Variants in SDSL observed in about 807,000 individuals in gnomAD.
The protein encoded by SDSL is serine dehydratase-like.
Under a neutral mutation model 27.6 loss-of-function variants are expected in SDSL, and 26 were observed. That is an observed-to-expected ratio of 0.94 (90% confidence interval 0.69 to 1.31). The LOEUF (loss-of-function observed/expected upper bound fraction) is 1.31, where lower values mean the gene tolerates loss of function less well. Among genes scored for constraint, SDSL ranks in the 50% most tolerant of loss-of-function variants. The pLI, the probability that SDSL is intolerant of heterozygous loss-of-function variation, is 0.00. For synonymous variants in SDSL, 196 were observed against 180.6 expected (o/e 1.09, Z -0.69); for missense variants, 431 against 423.5 (o/e 1.02, Z -0.16).
At chr12:113,423,152 C>T (rs1263295879) in intron 1 of SDSL, among the ~76,000 whole-genome samples, 1 of 152,182 alleles carries the variant, frequency 6.6e-6, no homozygotes, top group Non-Finnish European at 1.5e-5. Context: ...CTGCTGTCCT[C>T]TTGTGAGTCA....
chr12:113,435,752 C>T (rs564901866), intron 6 of SDSL, among the ~76,000 whole-genome samples, 196 bp downstream of exon 6: 2 of 152,198 alleles, frequency 1.3e-5, no homozygotes, highest in African/African-American at 4.8e-5. Context: ...TCATGTAAAC[C>T]TAATCAGTTC....
rs1565881434 is a variant in SDSL, at chr12:113,437,983, C to T, written c.894C>T (p.Pro298=). The change falls in exon 8 of 8, where the codon CCC becomes CCT. Residue 298 remains proline, a synonymous_variant. Transcript: ENST00000403593. ...GGCTCCAGGCCGAGGGCTGCCTGCC[C>T]CCTTCCCTGACTTCAGTTGTGGTAA... ...LRRLQAEGCL[P]PSLTSVVVIV... is the part of the protein sequence containing the mutation. The T allele has an allele frequency of 6.2e-7, 1 of 1,614,178 alleles. No individual in the cohort carries two copies. The highest frequency in any genetic ancestry group is 8.5e-7 in the Non-Finnish European group (1 of 1,179,986).
Position 113,435,496 on chromosome 12 carries a change from C to G in SDSL, c.611C>G (p.Ala204Gly). 1 of 1,614,114 alleles carries G rather than the reference C, an allele frequency of 6.2e-7. No individual in the cohort carries two copies. Among genetic ancestry groups the G allele is most frequent in the Non-Finnish European group, 8.5e-7 (1 of 1,179,976 alleles). The change falls in exon 6 of 8, where the codon GCA becomes GGA. Residue 204 changes from alanine to glycine, a missense_variant. By Grantham distance (60) the Ala-to-Gly change is moderately conservative. Transcript: ENST00000403593. ...ATCATTGCCATGGAGACCCATGGGG[C>G]ACACTGCTTCAATGCGGCCATCACA... ...VPIIAMETHG[A>G]HCFNAAITAG...
rs527736912 is a variant in SDSL, at chr12:113,429,441, G to A, written c.354+142G>A. On this transcript the variant is annotated intron_variant, in intron 4 of 7. Coordinates refer to ENST00000403593, the MANE Select transcript of SDSL (RefSeq NM_001304993.2). ...CTCTCTCAGGATAGCTGAGCTGAGG[G>A]GGGAATGAGGTGGGATGGGTGTTGA... 11 of 952,556 alleles carry A rather than the reference G, an allele frequency of 1.2e-5. No homozygotes were observed. The South Asian group carries it at 1.4e-4, about 12-fold the overall frequency. 59.0% of individuals were successfully genotyped at this position (952,556 alleles called of 1,614,324 possible).
chr12:113,437,212 G>C (rs1958008004), intron 7 of SDSL: 1 of 180,204 alleles, frequency 5.5e-6, no homozygotes, highest in Non-Finnish European at 1.2e-5. Flanking sequence ...CCTGGGTTGT[G>C]GACCTCCAAT....
intron 2 of SDSL, 99 bp from the exon 3 acceptor site, chr12:113,428,321 C>T (rs1004059685): frequency 2.4e-5 from 32 of 1,337,832 alleles, no homozygotes; most frequent in Admixed American, 1.2e-4. Flanking sequence ...GGGGTAAAGG[C>T]GTATTGGGAG....
intron 3 of SDSL, 113 bp downstream of exon 3, chr12:113,428,572 T>A (rs1477881106): frequency 4.8e-6 from 4 of 825,184 alleles, no homozygotes; most frequent in Admixed American, 2.7e-5. Context: ...CTCATCAAGG[T>A]CATTGATGAG....
intron 4 of SDSL, among the ~76,000 whole-genome samples, chr12:113,430,358 G>A (rs1162089456): frequency 6.6e-6 from 1 of 152,200 alleles, no homozygotes; most frequent in Non-Finnish European, 1.5e-5. Context: ...GAGAAGGTGT[G>A]TTGTTTTAAT....
intron 1 of SDSL, chr12:113,425,594 T>C (rs1388194812): frequency 2.2e-6 from 1 of 452,352 alleles, no homozygotes; most frequent in African/African-American, 2.0e-5. Flanking sequence ...GCTGGCTGTA[T>C]TTTTTCCTTT....
At chr12:113,428,723 G>T (rs1358462959) in intron 3 of SDSL, among the ~76,000 whole-genome samples, 1 of 152,090 alleles carries the variant, frequency 6.6e-6, no homozygotes, top group Non-Finnish European at 1.5e-5. Flanking sequence ...TGGCTTTCAG[G>T]CACAGGGGGA....
Position 113,434,135 on chromosome 12 carries a change from T to A in SDSL, c.356T>A (p.Val119Asp), listed in dbSNP as rs201486684. 3.1e-6 allele frequency: 5 copies of A among 1,613,302 alleles called. No individual in the cohort carries two copies. The East Asian group carries it at 1.1e-4, about 36-fold the overall frequency. ...TGAGGGCCCTTGGTTTCTCTGTAGG[T>A]CTGGGACGAGGCCAATCTGAGGGCG... ...EGAEVQLTGK[V>D]WDEANLRAQE... Residue 119 changes from valine (V) to aspartate (D), a missense_variant and splice_region_variant, in exon 5 of 8, where the codon GTC becomes GAC. By Grantham distance (152) the Val-to-Asp change is radical (BLOSUM62 -3). Coordinates refer to ENST00000403593, the MANE Select transcript of SDSL (RefSeq NM_001304993.2).
intron 1 of SDSL, chr12:113,426,087 C>A: frequency 2.3e-6 from 1 of 441,822 alleles, no homozygotes; most frequent in South Asian, 1.6e-5. Flanking sequence ...AACTCCTCTC[C>A]GTGGGCGGGA....
At chr12:113,423,140 G>T (rs762565547) in intron 1 of SDSL, among the ~76,000 whole-genome samples, 8 of 152,222 alleles carry the variant, frequency 5.3e-5, no homozygotes, top group Non-Finnish European at 1.0e-4. Context: ...TTTAACTGAT[G>T]CCTGCTGTCC....
Position 113,429,165 on chromosome 12 carries a change from A to G in SDSL, c.220A>G (p.Asn74Asp), listed in dbSNP as rs766626138. The G allele has an allele frequency of 1.2e-6, 2 of 1,612,956 alleles. No individual in the cohort carries two copies. Among genetic ancestry groups the G allele is most frequent in the Admixed American group, 1.7e-5 (1 of 59,982 alleles). ...CRHLVCSSGGNAGIAAAYAAR... is the reference protein window; with the variant it reads ...CRHLVCSSGGDAGIAAAYAAR... ...CTTTCCTCCTTTCTGCACAGGGGGT[A>G]ATGCGGGCATCGCTGCTGCCTATGC... is the stretch of plus-strand genomic sequence containing the variant. Residue 74 changes from asparagine (N) to aspartate (D), a missense_variant, in exon 4 of 8, where the codon AAT (asparagine) becomes GAT (aspartate). Coordinates refer to ENST00000403593, the MANE Select transcript of SDSL (RefSeq NM_001304993.2).
At chr12:113,425,491 TGA>T (rs1311004494) in intron 1 of SDSL, among the ~76,000 whole-genome samples, 3 of 152,096 alleles carry the variant, frequency 2.0e-5, no homozygotes, top group Non-Finnish European at 2.9e-5. Context: ...GTTAGGTTTG[TGA>T]GTGGGCAGGG....
chr12:113,432,253 TTTC>T (rs1565879084), intron 4 of SDSL, among the ~76,000 whole-genome samples: 12 of 142,898 alleles, frequency 8.4e-5, no homozygotes, highest in Admixed American at 2.1e-4. Context: ...TCTTTCTTTC[TTTC>T]TTTCTTTCTT....
chr12:113,430,508 T>A (rs1957908629), intron 4 of SDSL, among the ~76,000 whole-genome samples: 1 of 152,064 alleles, frequency 6.6e-6, no homozygotes, highest in Admixed American at 6.5e-5. Context: ...AGGATTAAGG[T>A]CTGCAGATGT....
chr12:113,436,916 G>A (rs367670358), intron 7 of SDSL, 41 bp downstream of exon 7: 109 of 1,508,002 alleles, frequency 7.2e-5, no homozygotes, highest in African/African-American at 3.7e-4. Flanking sequence ...AGAGACCCAC[G>A]AAGTCCCTGC....
chr12:113,436,973 A>AG, intron 7 of SDSL, 98 bp downstream of exon 7: 1 of 1,256,346 alleles, frequency 8.0e-7, no homozygotes, highest in Non-Finnish European at 1.0e-6. Context: ...CCTCAGCACC[A>AG]GGCACTGGCT....
Sources: gnomAD v4.1 joint callset for allele counts (sites outside exome capture counted in the v4.1 genomes callset) on GRCh38, gnomAD v4.1.1 for gene constraint, MANE v1.5 for transcripts, NCBI Gene and HGNC (gene_info 2026-07-23, HGNC 2026-07-21) for gene names.